Variants in NTM observed in about 807,000 individuals in gnomAD.
NTM encodes the protein IgLON family member 2.
Under a neutral mutation model 42.1 loss-of-function variants are expected in NTM, and 13 were observed. The observed-to-expected ratio is 0.31, with a 90% confidence interval of 0.20 to 0.49. The LOEUF is 0.49. NTM is among the 20% of genes least tolerant of loss of function. The pLI, the probability that NTM is intolerant of heterozygous loss-of-function variation, is 0.99. For missense variants in NTM, 373 were observed against 452.8 expected (o/e 0.82, Z 1.60); for synonymous variants, 187 against 179.2 (o/e 1.04, Z -0.35).
chr11:131,874,050 T>TATAATAATATAATATA (rs2048240542), intron 1 of NTM, among the ~76,000 whole-genome samples: 5 of 102,828 alleles, frequency 4.9e-5, no homozygotes, highest in Admixed American at 3.6e-4. Context: ...TATATATATA[T>TATAATAATATAATATA]ATATATATAT....
chr11:131,619,134 G>A (rs1266451549), intron 1 of NTM, among the ~76,000 whole-genome samples: 2 of 152,186 alleles, frequency 1.3e-5, no homozygotes, highest in Non-Finnish European at 2.9e-5. Context: ...ACTCCACAGC[G>A]AATAAGCCCA....
At chr11:131,891,707 A>G (rs2051367793) in intron 1 of NTM, among the ~76,000 whole-genome samples, 1 of 152,030 alleles carries the variant, frequency 6.6e-6, no homozygotes, top group Non-Finnish European at 1.5e-5. Flanking sequence ...AATCCCATGT[A>G]TTTTTCTGTG....
At chr11:131,386,868 T>G (rs1055201241) in intron 1 of NTM, among the ~76,000 whole-genome samples, 1 of 152,254 alleles carries the variant, frequency 6.6e-6, no homozygotes, top group Non-Finnish European at 1.5e-5. Context: ...TCCCTTTTTT[T>G]GATTCTGCTC....
chr11:131,739,013 C>G (rs1200169733), intron 1 of NTM, among the ~76,000 whole-genome samples: 1 of 152,086 alleles, frequency 6.6e-6, no homozygotes, highest in African/African-American at 2.4e-5. Flanking sequence ...TGTCACTGGC[C>G]CTGAGTGGCC....
At chr11:131,516,056 A>T (rs2048855477) in intron 1 of NTM, among the ~76,000 whole-genome samples, 2 of 152,238 alleles carry the variant, frequency 1.3e-5, no homozygotes, top group Non-Finnish European at 2.9e-5. Context: ...CTTAATAATG[A>T]TGTGTATTTG....
intron 7 of NTM, among the ~76,000 whole-genome samples, chr11:132,323,445 C>G (rs867841906): frequency 2.6e-5 from 4 of 151,030 alleles, no homozygotes; most frequent in African/African-American, 7.3e-5. Context: ...ATAAATTCCT[C>G]GACACATACA....
At chr11:132,283,614 G>A (rs780595023) in intron 4 of NTM, among the ~76,000 whole-genome samples, 8 of 152,160 alleles carry the variant, frequency 5.3e-5, no homozygotes, top group Non-Finnish European at 1.2e-4. Context: ...TTGCATCATG[G>A]TTATATTCCT....
intron 4 of NTM, among the ~76,000 whole-genome samples, chr11:132,286,069 A>G (rs1378480358): frequency 6.6e-6 from 1 of 152,234 alleles, no homozygotes; most frequent in Non-Finnish European, 1.5e-5. Flanking sequence ...ACATTTGATC[A>G]TCAGTACCTT....
intron 2 of NTM, among the ~76,000 whole-genome samples, chr11:131,941,494 CA>C (rs2059790629): frequency 6.6e-6 from 1 of 152,148 alleles, no homozygotes; most frequent in Non-Finnish European, 1.5e-5. Flanking sequence ...TTACAAGTGA[CA>C]AAGCATTTCC....
chr11:132,250,946 T>C (rs2091877336), intron 4 of NTM, among the ~76,000 whole-genome samples: 1 of 152,090 alleles, frequency 6.6e-6, no homozygotes, highest in South Asian at 2.1e-4. Context: ...GTGAGGCTCA[T>C]TGTATTTTTT....
intron 1 of NTM, among the ~76,000 whole-genome samples, chr11:131,456,117 C>T (rs1458920950): frequency 3.9e-5 from 6 of 152,172 alleles, no homozygotes; most frequent in African/African-American, 1.2e-4. Context: ...ACTAGCTTAG[C>T]GTTCCAATAG....
chr11:131,890,019 C>G (rs1410047732), intron 1 of NTM, among the ~76,000 whole-genome samples: 2 of 152,110 alleles, frequency 1.3e-5, no homozygotes, highest in African/African-American at 4.8e-5. Context: ...TCAGCCCACC[C>G]AAAGCTCATC....
At chr11:131,593,989 G>A (rs75898224) in intron 1 of NTM, among the ~76,000 whole-genome samples, 1 of 152,136 alleles carries the variant, frequency 6.6e-6, no homozygotes, top group African/African-American at 2.4e-5. Context: ...GGCAATATTT[G>A]GTCAGGTTGC....
intron 2 of NTM, among the ~76,000 whole-genome samples, chr11:131,914,191 T>C (rs372710021): frequency 5.3e-5 from 8 of 152,230 alleles, no homozygotes; most frequent in Admixed American, 5.2e-4. Context: ...AACCTGACTG[T>C]AGGTTGCAAC....
chr11:132,073,606 C>G (rs912710510), intron 2 of NTM, among the ~76,000 whole-genome samples: 1 of 152,104 alleles, frequency 6.6e-6, no homozygotes, highest in Non-Finnish European at 1.5e-5. Flanking sequence ...GTTTTTAAAA[C>G]CTCAGGCCAA....
chr11:131,680,950 CGT>C (rs150391194), intron 1 of NTM, among the ~76,000 whole-genome samples: 1 of 21,998 alleles, frequency 4.5e-5, no homozygotes, highest in Non-Finnish European at 9.6e-5. Context: ...TGTGTGTGAG[CGT>C]GTGTGTTTCT....
intron 1 of NTM, among the ~76,000 whole-genome samples, chr11:131,809,885 C>T (rs1279322655): frequency 6.6e-6 from 1 of 152,196 alleles, no homozygotes; most frequent in African/African-American, 2.4e-5. Context: ...GATTTGTTTC[C>T]AAATTCCTGC....
At chr11:132,161,373 T>C (rs1436404268) in intron 3 of NTM, among the ~76,000 whole-genome samples, 4 of 35,274 alleles carry the variant, frequency 1.1e-4, no homozygotes, top group African/African-American at 6.1e-4. Flanking sequence ...CGAGCAGCTT[T>C]TTTTTTTTTT....
intron 2 of NTM, among the ~76,000 whole-genome samples, chr11:131,955,429 C>T (rs1326526901): frequency 6.6e-6 from 1 of 152,016 alleles, no homozygotes; most frequent in Non-Finnish European, 1.5e-5. Context: ...CCTTCCCTCT[C>T]CTTGGAGAGG....
Sources: gnomAD v4.1 joint callset for allele counts (sites outside exome capture counted in the v4.1 genomes callset) on GRCh38, gnomAD v4.1.1 for gene constraint, MANE v1.5 for transcripts, NCBI Gene and HGNC (gene_info 2026-07-23, HGNC 2026-07-21) for gene names.